AOX1: variants seen among roughly 807,000 people sequenced by gnomAD.
AOX1 encodes aldehyde oxidase 1.
A neutral mutation model predicts 169.5 loss-of-function variants in AOX1; 153 were observed. The ratio of observed to expected loss-of-function variants is 0.90; its 90% CI spans 0.79 to 1.03. The LOEUF (loss-of-function observed/expected upper bound fraction) is 1.03, where lower values mean the gene tolerates loss of function less well. Among genes scored for constraint, AOX1 ranks in the 50% least tolerant of loss-of-function variants. The pLI is 0.00. For synonymous variants in AOX1, 562 were observed against 581.9 expected (o/e 0.97, Z 0.49); for missense variants, 1,656 against 1,663.9 (o/e 1.00, Z 0.08).
intron 15 of AOX1, among the ~76,000 whole-genome samples, 198 bp from the exon 16 acceptor site, chr2:200,615,773 T>C (rs1046268096): frequency 6.6e-6 from 1 of 152,162 alleles, no homozygotes; most frequent in African/African-American, 2.4e-5. Flanking sequence ...TATGAGGAAA[T>C]ATGTATGCAC....
rs1258722376 is a variant in AOX1 at position 200,612,621 on chromosome 2, T to C, written c.1276T>C (p.Ser426Pro). 20 of 1,613,490 alleles carry C rather than the reference T, an allele frequency of 1.2e-5. No individual in the cohort carries two copies. In the Admixed American group the frequency reaches 1.5e-4, roughly 12 times the overall value. ...CTGTTTCTTTCAGTGGGAATTTGTGTCAGCCTTCCGACAAGCCCAGCGACA... is the reference window on the plus strand; with the variant it reads ...CTGTTTCTTTCAGTGGGAATTTGTGCCAGCCTTCCGACAAGCCCAGCGACA... ...IPYSRKWEFVSAFRQAQRQEN... is the reference protein window; with the variant it reads ...IPYSRKWEFVPAFRQAQRQEN... The change falls in exon 14 of 35, where the codon TCA becomes CCA. Residue 426 changes from serine (S) to proline (P), a missense_variant. Transcript: ENST00000374700.
rs759638736 is a variant in AOX1 at position 200,627,336 on chromosome 2, C to A, written c.2125-17C>A. ...GTCTCTTGCCCAAGCTGCCTCATTC[C>A]TCTGTTCTCTTTCTAGGAAAGTATA... On this transcript the variant is annotated splice_polypyrimidine_tract_variant and intron_variant, in intron 19 of 34. Transcript: ENST00000374700. 8 of 1,591,986 alleles carry A rather than the reference C, an allele frequency of 5.0e-6. No homozygotes were observed. The East Asian group carries it at 1.6e-4, about 31-fold the overall frequency.
In AOX1 at chr2:200,599,778, A is replaced by C. The variant is rs1031385008; in HGVS notation, c.436+32A>C. On this transcript the variant is annotated intron_variant, in intron 5 of 34. Transcript: ENST00000374700. ...TATATATGCATGCTTTTATTTTTTA[A>C]TTTTTATTTATTTATTTATTTTTTG... 3 of 1,384,816 alleles carry C rather than the reference A, an allele frequency of 2.2e-6. No individual in the cohort carries two copies. The African/African-American group carries it at 4.6e-5, about 21-fold the overall frequency. 85.8% of individuals were successfully genotyped at this position (1,384,816 alleles called of 1,614,324 possible). A position where few individuals can be genotyped will look rare whatever the true frequency, so the allele number is the denominator to read the frequency against.
intron 18 of AOX1, among the ~76,000 whole-genome samples, chr2:200,623,007 A>G (rs1219941962): frequency 6.6e-6 from 1 of 152,104 alleles, no homozygotes; most frequent in Non-Finnish European, 1.5e-5. Context: ...TTTTGTGTTC[A>G]TGCTAGATTT....
intron 20 of AOX1, among the ~76,000 whole-genome samples, chr2:200,633,359 T>C (rs952133634): frequency 6.6e-6 from 1 of 151,780 alleles, no homozygotes; most frequent in Non-Finnish European, 1.5e-5. Flanking sequence ...TTATAGCCAA[T>C]GGGTTCCTGA....
In AOX1 at chr2:200,613,862, C is replaced by A; in HGVS notation, c.1507C>A (p.Leu503Ile). The A allele has an allele frequency of 6.2e-7, 1 of 1,612,700 alleles. No individual in the cohort carries two copies. Among genetic ancestry groups the A allele is most frequent in the South Asian group, 1.1e-5 (1 of 91,008 alleles). ...ACRLILNEVS[L>I]LGSAPGGKVE... ...CAGGCTTATTCTGAATGAAGTCTCC[C>A]TTTTGGGCTCGGCGCCAGGTGGGAA... is the stretch of plus-strand genomic sequence containing the variant. Residue 503 changes from leucine to isoleucine, a missense_variant, in exon 15 of 35, where the codon CTT becomes ATT. Transcript: ENST00000374700.
intron 30 of AOX1, 81 bp downstream of exon 30, chr2:200,661,712 G>A: frequency 8.8e-7 from 1 of 1,135,606 alleles, no homozygotes; most frequent in Non-Finnish European, 1.3e-6. Flanking sequence ...TGCAATTTTG[G>A]CAAACGTTGA....
intron 29 of AOX1, among the ~76,000 whole-genome samples, chr2:200,661,045 C>T (rs1218888437): frequency 2.6e-5 from 4 of 152,102 alleles, no homozygotes; most frequent in Non-Finnish European, 5.9e-5. Context: ...GGGACTTGGA[C>T]CTGACCCTGA....
intron 16 of AOX1, among the ~76,000 whole-genome samples, chr2:200,617,591 A>G (rs935190558): frequency 2.0e-5 from 3 of 151,938 alleles, no homozygotes; most frequent in Admixed American, 1.3e-4. Context: ...ACATGGTTTC[A>G]AAAGACTTTT....
chr2:200,627,449 G>A lies in AOX1; in HGVS notation c.2221G>A (p.Gly741Ser), dbSNP rs750938630. Residue 741 changes from glycine to serine, a missense_variant and splice_region_variant, in exon 20 of 35, where the codon GGT (glycine) becomes AGT (serine). By Grantham distance (56) the Gly-to-Ser change is moderately conservative. Coordinates refer to ENST00000374700, the MANE Select transcript of AOX1 (RefSeq NM_001159.4). ...TAAAGTGGTTGATCAAATTCTTGAA[G>A]GTAAAAAGTAATGGAAGAGTAAACA... Reference protein sequence around the residue: ...AFKVVDQILEGEIHMGGQEHF... With the variant: ...AFKVVDQILESEIHMGGQEHF... The A allele has an allele frequency of 4.4e-6, 7 of 1,605,844 alleles. No individual in the cohort carries two copies. Among genetic ancestry groups the A allele is most frequent in the Admixed American group, 1.7e-5 (1 of 59,956 alleles).
In AOX1 at chr2:200,613,885, G is replaced by A; in HGVS notation, c.1530G>A (p.Gly510=). ...CCCTTTTGGGCTCGGCGCCAGGTGG[G>A]AAAGTGGAGTTCAAGAGGACTCTCA... ...EVSLLGSAPG[G]KVEFKRTLII... The change falls in exon 15 of 35, where the codon GGG becomes GGA. Residue 510 remains glycine (G), a synonymous_variant. Transcript: ENST00000374700. 6 of 1,612,772 alleles carry A rather than the reference G, an allele frequency of 3.7e-6. No individual in the cohort carries two copies. The highest frequency in any genetic ancestry group is 5.1e-6 in the Non-Finnish European group (6 of 1,179,978).
intron 15 of AOX1, 66 bp downstream of exon 15, chr2:200,614,032 C>A: frequency 1.4e-6 from 2 of 1,414,768 alleles, no homozygotes; most frequent in South Asian, 1.3e-5. Flanking sequence ...AAAGTAGAGG[C>A]AATGACTCCC....
intron 14 of AOX1, among the ~76,000 whole-genome samples, chr2:200,613,576 A>G (rs186175755): frequency 3.3e-5 from 5 of 152,270 alleles, no homozygotes; most frequent in Admixed American, 3.3e-4. Context: ...ATTTCTCTAG[A>G]TCATTCTGTG....
chr2:200,656,989 CATGAGAGAAAAACT>C, intron 27 of AOX1, 52 bp downstream of exon 27: 1 of 1,232,300 alleles, frequency 8.1e-7, no homozygotes, highest in Non-Finnish European at 1.1e-6. Flanking sequence ...TAGATCTGTT[CATGAGAGAAAAACT>C]ATGAATGGAT....
Position 200,595,290 on chromosome 2 carries a change from A to T in AOX1, c.122A>T (p.Lys41Met). 1.2e-6 allele frequency: 2 copies of T among 1,613,120 alleles called. No individual in the cohort carries two copies. Among genetic ancestry groups the T allele is most frequent in the Non-Finnish European group, 1.7e-6 (2 of 1,179,298 alleles). The change falls in exon 3 of 35, where the codon AAG (lysine) becomes ATG (methionine). Residue 41 changes from lysine to methionine, a missense_variant. Lys to Met is a moderately conservative substitution (Grantham distance 95). Transcript: ENST00000374700. ...CTTCCAGTTCGACTCACAGGAACTA[A>T]GTATGGCTGTGGAGGAGGAGGCTGT... ...LRKKLRLTGT[K>M]YGCGGGGCGA...
chr2:200,643,365 A>T (rs1240099674), intron 25 of AOX1, among the ~76,000 whole-genome samples: 3 of 148,498 alleles, frequency 2.0e-5, no homozygotes, highest in African/African-American at 7.5e-5. Context: ...ACACGCACAC[A>T]TATATATGTG....
chr2:200,604,190 G>A, intron 8 of AOX1, 93 bp downstream of exon 8: 1 of 912,952 alleles, frequency 1.1e-6, no homozygotes, highest in Non-Finnish European at 1.8e-6. Context: ...AAGCTGATTG[G>A]CAAATAGGTG....
chr2:200,587,662 A>T (rs939533179), intron 1 of AOX1, among the ~76,000 whole-genome samples: 1 of 152,138 alleles, frequency 6.6e-6, no homozygotes, highest in Non-Finnish European at 1.5e-5. Context: ...GGTCATTAGG[A>T]CCCCTTCACA....
chr2:200,595,243 C>T (rs1422574929), intron 2 of AOX1, 29 bp from the exon 3 acceptor site: 21 of 1,566,156 alleles, frequency 1.3e-5, no homozygotes, highest in Admixed American at 1.7e-5. Flanking sequence ...TTACATAACA[C>T]ATATGATCTT....
Sources: gnomAD v4.1 joint callset for allele counts (sites outside exome capture counted in the v4.1 genomes callset) on GRCh38, gnomAD v4.1.1 for gene constraint, MANE v1.5 for transcripts, NCBI Gene and HGNC (gene_info 2026-07-23, HGNC 2026-07-21) for gene names.